MTDH: variants seen among roughly 807,000 people sequenced by gnomAD.
MTDH encodes metadherin.
A neutral mutation model predicts 72.7 loss-of-function variants in MTDH; 34 were observed. The observed-to-expected ratio is 0.47, with a 90% CI of 0.36 to 0.62. The LOEUF (loss-of-function observed/expected upper bound fraction) is 0.62. Among genes scored for constraint, MTDH ranks in the 20% least tolerant of loss-of-function variants. MTDH has a pLI of 0.00. For missense variants in MTDH, 677 were observed against 699.4 expected (o/e 0.97, Z 0.36); for synonymous variants, 266 against 268.9 (o/e 0.99, Z 0.10).
chr8:97,685,159 TG>T (rs1485253551), intron 2 of MTDH, among the ~76,000 whole-genome samples: 6 of 151,492 alleles, frequency 4.0e-5, no homozygotes, highest in East Asian at 1.9e-4. Flanking sequence ...GTGACTATTA[TG>T]GTATGTGGAT....
intron 1 of MTDH, among the ~76,000 whole-genome samples, chr8:97,649,487 C>T (rs1319165967): frequency 1.3e-5 from 2 of 152,182 alleles, no homozygotes; most frequent in African/African-American, 2.4e-5. Flanking sequence ...ACATGGCACT[C>T]GAGTCTCTTC....
intron 2 of MTDH, among the ~76,000 whole-genome samples, chr8:97,682,277 TATA>T (rs1348807398): frequency 4.8e-3 from 20 of 4,186 alleles, no homozygotes; most frequent in Admixed American, 9.0e-3. Flanking sequence ...TATATATATA[TATA>T]TTTTTTTTTT....
At chr8:97,675,223 A>C (rs967657791) in intron 2 of MTDH, among the ~76,000 whole-genome samples, 15 of 152,170 alleles carry the variant, frequency 9.9e-5, no homozygotes, top group Admixed American at 2.0e-4. Context: ...CCAAATTTTT[A>C]AGGACCAGTA....
rs1347257344 is a variant in MTDH at position 97,729,663 on chromosome 8, GT to G, written c.*4999del. On this transcript the variant is annotated 3_prime_UTR_variant, in exon 12 of 12. Transcript: ENST00000336273. ...ACTTCTATATGATAGTTTGCTTTTT[GT>G]TTTTTGTTTTTTTCTAGAGACAGAG... 1.1e-4 allele frequency among the ~76,000 whole-genome samples: 17 copies of G among 151,890 alleles called. No homozygotes were observed. Among genetic ancestry groups the G allele is most frequent in the African/African-American group, 4.1e-4 (17 of 41,346 alleles).
chr8:97,690,090 G>A (rs571972358), intron 5 of MTDH, among the ~76,000 whole-genome samples: 1 of 151,384 alleles, frequency 6.6e-6, no homozygotes, highest in South Asian at 2.1e-4. Flanking sequence ...CGCCTCCTGG[G>A]TTCAAACAAT....
At chr8:97,670,462 C>G (rs537309237) in intron 2 of MTDH, among the ~76,000 whole-genome samples, 1 of 152,128 alleles carries the variant, frequency 6.6e-6, no homozygotes, top group Admixed American at 6.6e-5. Flanking sequence ...ACTAAAAATA[C>G]AAAAAGAAAA....
intron 2 of MTDH, among the ~76,000 whole-genome samples, chr8:97,681,424 A>G (rs989362334): frequency 1.2e-4 from 18 of 151,874 alleles, no homozygotes; most frequent in African/African-American, 3.6e-4. Flanking sequence ...TTTTTAAAGT[A>G]AGAATGAAAA....
chr8:97,708,999 G>A (rs1444224997), intron 8 of MTDH, among the ~76,000 whole-genome samples: 2 of 151,780 alleles, frequency 1.3e-5, no homozygotes, highest in South Asian at 2.1e-4. Context: ...AAGACCAGCC[G>A]GGCCAAGATG....
At chr8:97,721,496 A>G (rs545466033) in intron 10 of MTDH, among the ~76,000 whole-genome samples, 1 of 152,246 alleles carries the variant, frequency 6.6e-6, no homozygotes, top group East Asian at 1.9e-4. Context: ...AAGGAATCCT[A>G]GTAATTACTT....
chr8:97,698,709 G>A (rs1434231967), intron 6 of MTDH, among the ~76,000 whole-genome samples: 2 of 152,164 alleles, frequency 1.3e-5, no homozygotes, highest in African/African-American at 4.8e-5. Flanking sequence ...AGCTAACTCA[G>A]ACATTTTCTA....
intron 8 of MTDH, among the ~76,000 whole-genome samples, chr8:97,710,034 G>C (rs1321866041): frequency 6.6e-6 from 1 of 152,122 alleles, no homozygotes; most frequent in African/African-American, 2.4e-5. Flanking sequence ...TTCATGGCAC[G>C]TATCTATTCA....
intron 5 of MTDH, among the ~76,000 whole-genome samples, chr8:97,690,052 T>C (rs1249579913): frequency 6.7e-6 from 1 of 149,634 alleles, no homozygotes; most frequent in Non-Finnish European, 1.5e-5. Context: ...TGGAGTGCAA[T>C]GGCACAATCT....
Position 97,687,596 on chromosome 8 carries a change from A to G in MTDH, c.736A>G (p.Lys246Glu). 1 of 1,608,234 alleles carries G rather than the reference A, an allele frequency of 6.2e-7. No homozygotes were observed. Among genetic ancestry groups the G allele is most frequent in the African/African-American group, 1.3e-5 (1 of 74,708 alleles). Residue 246 changes from lysine (K) to glutamate (E), a missense_variant, in exon 4 of 12, where the codon AAG (lysine) becomes GAG (glutamate). By Grantham distance (56) the Lys-to-Glu change is moderately conservative. This residue lies in a region of MTDH where 467 missense variants were observed against 469.1 expected (regional missense o/e 1.00). Coordinates refer to ENST00000336273, the MANE Select transcript of MTDH (RefSeq NM_178812.4). The part of the protein sequence containing the change: ...TTASFPVGSK[K>E]NKGDSHLNVQ... ...CGCATCATTTCCTGTTGGTTCCAAG[A>G]AGAATAAAGGTATATTAGTGGAACA... is the stretch of plus-strand genomic sequence containing the variant.
In MTDH at chr8:97,697,146, A is replaced by ATTTTTT. The variant is rs1317264159; in HGVS notation, c.1049-2607_1049-2606insTTTTTT. On this transcript the variant is annotated intron_variant, in intron 6 of 11. Transcript: ENST00000336273. ...AAAAAAAAAATATATATATATATAT[A>ATTTTTT]TATATTTTTTTTTTGTGGACCCAGT... Among the ~76,000 whole-genome samples the ATTTTTT allele has an allele frequency of 1.9e-4, 13 of 68,934 alleles. No individual in the cohort carries two copies. In the South Asian group the frequency reaches 3.8e-3, roughly 20 times the overall value. The allele number at this position is 68,934 out of a possible 152,430, so 45.2% of individuals were successfully genotyped here.
At chr8:97,698,846 T>G (rs1813984398) in intron 6 of MTDH, among the ~76,000 whole-genome samples, 1 of 152,212 alleles carries the variant, frequency 6.6e-6, no homozygotes, top group Admixed American at 6.5e-5. Context: ...TTTTTTTGAC[T>G]TCTTGAAATT....
intron 2 of MTDH, among the ~76,000 whole-genome samples, chr8:97,662,220 CAG>C (rs1468893005): frequency 2.0e-5 from 3 of 148,780 alleles, no homozygotes; most frequent in Non-Finnish European, 4.5e-5. Flanking sequence ...AATATAGAGA[CAG>C]GGGTCTCACT....
intron 1 of MTDH, among the ~76,000 whole-genome samples, chr8:97,649,487 C>A (rs1319165967): frequency 6.6e-6 from 1 of 152,182 alleles, no homozygotes; most frequent in South Asian, 2.1e-4. Flanking sequence ...ACATGGCACT[C>A]GAGTCTCTTC....
chr8:97,681,491 C>CTTTTTT (rs35262209), intron 2 of MTDH, among the ~76,000 whole-genome samples: 28 of 108,848 alleles, frequency 2.6e-4, no homozygotes, highest in Non-Finnish European at 3.0e-4. Context: ...AGAATTTTTT[C>CTTTTTT]TTTTTTTTTT....
chr8:97,729,321 C>T lies in MTDH; in HGVS notation c.*4651C>T, dbSNP rs1317444637. ...CAGCTGGTAGAGGGCATTACCTCCC[C>T]CACCCCCAAGAACACTTCTTGGAAG... On this transcript the variant is annotated 3_prime_UTR_variant, in exon 12 of 12. Coordinates refer to ENST00000336273, the MANE Select transcript of MTDH (RefSeq NM_178812.4). 6.6e-6 allele frequency among the ~76,000 whole-genome samples: 1 copy of T among 152,052 alleles called. No homozygotes were observed. The highest frequency in any genetic ancestry group is 1.5e-5 in the Non-Finnish European group (1 of 68,010).
Sources: gnomAD v4.1 joint callset for allele counts (sites outside exome capture counted in the v4.1 genomes callset) on GRCh38, gnomAD v4.1.1 for gene constraint, gnomAD v4.1.1 regional missense constraint, MANE v1.5 for transcripts, NCBI Gene and HGNC (gene_info 2026-07-23, HGNC 2026-07-21) for gene names.